Variants in TGFBR2 observed in about 807,000 individuals in gnomAD.
TGFBR2 encodes the protein transforming growth factor beta receptor 2, also known as TGF-beta receptor type-2.
Under a neutral mutation model 49.0 loss-of-function variants are expected in TGFBR2, and 18 were observed. The ratio of observed to expected loss-of-function variants is 0.37; its 90% CI spans 0.25 to 0.54. TGFBR2 has a LOEUF of 0.54. Among genes scored for constraint, TGFBR2 ranks in the 20% least tolerant of loss-of-function variants. TGFBR2 has a pLI of 0.85. For missense variants in TGFBR2, 525 were observed against 722.6 expected (o/e 0.73, Z 3.13); for synonymous variants, 282 against 275.9 (o/e 1.02, Z -0.22).
At chr3:30,607,005 G>T in intron 1 of TGFBR2, 28 bp downstream of exon 1, 1 of 1,546,072 alleles carries the variant, frequency 6.5e-7, no homozygotes, top group Admixed American at 1.9e-5. Flanking sequence ...CGGGCTCGGC[G>T]GGGCGCCGGG....
chr3:30,654,559 T>G (rs1397075993), intron 3 of TGFBR2, among the ~76,000 whole-genome samples: 1 of 152,148 alleles, frequency 6.6e-6, no homozygotes, highest in Non-Finnish European at 1.5e-5. Context: ...GCCAGAACAT[T>G]TTGTGTAGAA....
At chr3:30,675,814 T>C (rs1038772363) in intron 5 of TGFBR2, among the ~76,000 whole-genome samples, 1 of 152,246 alleles carries the variant, frequency 6.6e-6, no homozygotes, top group South Asian at 2.1e-4. Flanking sequence ...AACCATAGTA[T>C]GGCTATCAAA....
chr3:30,666,929 C>T (rs985549061), intron 3 of TGFBR2, among the ~76,000 whole-genome samples: 1 of 152,046 alleles, frequency 6.6e-6, no homozygotes, highest in Non-Finnish European at 1.5e-5. Context: ...AGCCACCACA[C>T]CCAGCCTAAG....
Position 30,691,704 on chromosome 3 carries a change from G to A in TGFBR2, c.*105G>A, listed in dbSNP as rs149112005. On this transcript the variant is annotated 3_prime_UTR_variant, in exon 7 of 7. Transcript: ENST00000295754. ...GAACTGATGCTTCCTGGAAAACCAA[G>A]GGGGTCACTCCCCTCCCTGTAAGCT... The A allele has an allele frequency of 1.2e-3, 1,608 of 1,330,436 alleles. 5 individuals carry two copies. In the Middle Eastern group the frequency reaches 0.013, roughly 11 times the overall value. The allele number at this position is 1,330,436 out of a possible 1,614,324, so 82.4% of individuals were successfully genotyped here.
At chr3:30,623,300 A>G (rs201718221) in intron 1 of TGFBR2, 1 of 1,613,228 alleles carries the variant, frequency 6.2e-7, no homozygotes, top group Non-Finnish European at 8.5e-7. Flanking sequence ...TAATCTTTTC[A>G]TCATTTTTCT....
At chr3:30,689,928 A>G (rs1159649857) in intron 6 of TGFBR2, among the ~76,000 whole-genome samples, 1 of 152,234 alleles carries the variant, frequency 6.6e-6, no homozygotes, top group African/African-American at 2.4e-5. Context: ...ACAGTGCCAG[A>G]ATAAAATAAA....
In TGFBR2 at chr3:30,631,487, A is replaced by G. The variant is rs117101841; in HGVS notation, c.95-13260A>G. On this transcript the variant is annotated intron_variant, in intron 1 of 6. Transcript: ENST00000295754. ...CAGGAAAGGCGAAGATCAACCTTAC[A>G]CTTTTTCATCTAACTGCACTGTGAG... Among the ~76,000 whole-genome samples the G allele has an allele frequency of 4.6e-5, 7 of 152,232 alleles. No homozygotes were observed. In the East Asian group the frequency reaches 1.4e-3, roughly 29 times the overall value.
At chr3:30,691,382 C>A (rs1047733787) in intron 6 of TGFBR2, 38 bp from the exon 7 acceptor site, 2 of 1,612,236 alleles carry the variant, frequency 1.2e-6, no homozygotes, top group African/African-American at 2.7e-5. Context: ...CGGAGCCCAC[C>A]AACTCATGGT....
rs189603129 is a variant in TGFBR2 at position 30,655,001 on chromosome 3, G to T, written c.454+4541G>T. Among the ~76,000 whole-genome samples, 3 of 152,322 alleles carry T rather than the reference G, an allele frequency of 2.0e-5. No homozygotes were observed. In the East Asian group the frequency reaches 5.8e-4, roughly 29 times the overall value. ...AATGAGCTAGATCTCCTGGATTTAA[G>T]GCTTATTCTACAGCTTATTAGCTCT... is the stretch of plus-strand genomic sequence containing the variant. On this transcript the variant is annotated intron_variant, in intron 3 of 6. Transcript: ENST00000295754.
rs1262192366 is a variant in TGFBR2 at position 30,607,837 on chromosome 3, A to AT, written c.94+860_94+861insT. The stretch of plus-strand genomic sequence containing the variant: ...ATTATATATATATAAATATATATAT[A>AT]ATTATATATATAAATATATATAATA... On this transcript the variant is annotated intron_variant, in intron 1 of 6. Coordinates refer to ENST00000295754, the MANE Select transcript of TGFBR2 (RefSeq NM_003242.6). 1.4e-4 allele frequency among the ~76,000 whole-genome samples: 18 copies of AT among 124,774 alleles called. 1 individual carries two copies. In the South Asian group the frequency reaches 4.2e-3, roughly 29 times the overall value. The allele number at this position is 124,774 out of a possible 152,430, so 81.9% of individuals were successfully genotyped here. A position where few individuals can be genotyped will look rare whatever the true frequency, so the allele number is the denominator to read the frequency against.
chr3:30,615,536 G>A lies in TGFBR2; in HGVS notation c.94+8559G>A, dbSNP rs562265120. Among the ~76,000 whole-genome samples the A allele has an allele frequency of 2.1e-4, 32 of 152,098 alleles. 1 individual carries two copies. Among genetic ancestry groups the A allele is most frequent in the East Asian group, 1.9e-4 (1 of 5,182 alleles). Reference sequence around the variant, plus strand: ...CAAATTCTGATCTACATTTCTAAAGGGAAGACTGAATTATTTTTCTATTCT... The same window carrying A: ...CAAATTCTGATCTACATTTCTAAAGAGAAGACTGAATTATTTTTCTATTCT... On this transcript the variant is annotated intron_variant, in intron 1 of 6. Transcript: ENST00000295754.
intron 1 of TGFBR2, among the ~76,000 whole-genome samples, chr3:30,639,748 T>C (rs1280586805): frequency 1.3e-5 from 2 of 151,866 alleles, no homozygotes; most frequent in Non-Finnish European, 2.9e-5. Flanking sequence ...TTTCTGAGTT[T>C]CCCCCCACAA....
At chr3:30,658,125 T>C (rs1575150684) in intron 3 of TGFBR2, among the ~76,000 whole-genome samples, 1 of 152,254 alleles carries the variant, frequency 6.6e-6, no homozygotes, top group African/African-American at 2.4e-5. Context: ...GACGTGGCTG[T>C]GTTCCAGTAC....
Position 30,606,725 on chromosome 3 carries a change from C to A in TGFBR2, c.-159C>A. ...CGCCTCGCCGGCCTCCAGGCCCCCTCCTGGCTGGCGAGCGGGCGCCACATC... is the reference window on the plus strand; with the variant it reads ...CGCCTCGCCGGCCTCCAGGCCCCCTACTGGCTGGCGAGCGGGCGCCACATC... On this transcript the variant is annotated 5_prime_UTR_variant, in exon 1 of 7. Transcript: ENST00000295754. The A allele has an allele frequency of 2.1e-6, 1 of 468,384 alleles. No homozygotes were observed. The highest frequency in any genetic ancestry group is 3.6e-5 in the East Asian group (1 of 27,984). 29.0% of individuals were successfully genotyped at this position (468,384 alleles called of 1,614,324 possible).
chr3:30,677,234 GGA>G (rs1699456090), intron 5 of TGFBR2, among the ~76,000 whole-genome samples: 1 of 152,116 alleles, frequency 6.6e-6, no homozygotes, highest in African/African-American at 2.4e-5. Context: ...TAATGAGGAA[GGA>G]GTTCACCAAA....
chr3:30,638,463 A>G (rs1457120962), intron 1 of TGFBR2, among the ~76,000 whole-genome samples: 1 of 152,186 alleles, frequency 6.6e-6, no homozygotes, highest in Non-Finnish European at 1.5e-5. Flanking sequence ...TATCTCTAGT[A>G]TTGACCTTGG....
At chr3:30,683,069 C>G (rs1276417686) in intron 5 of TGFBR2, among the ~76,000 whole-genome samples, 6 of 152,292 alleles carry the variant, frequency 3.9e-5, no homozygotes, top group Admixed American at 1.3e-4. Context: ...TTCCTGGAAT[C>G]CAGTGTACTA....
rs562307167 is a variant in TGFBR2, at chr3:30,661,465, C to T, written c.455-10173C>T. 20 of 425,848 alleles carry T rather than the reference C, an allele frequency of 4.7e-5. 1 individual carries two copies. The highest frequency in any genetic ancestry group is 3.3e-4 in the South Asian group (19 of 58,078). 26.4% of individuals were successfully genotyped at this position (425,848 alleles called of 1,614,324 possible). A position where few individuals can be genotyped will look rare whatever the true frequency, so the allele number is the denominator to read the frequency against. ...GTGAAAAGCACAGTGGAAGGGATGC[C>T]TAAAAGAGCAAAGGCTGAATCAGGG... On this transcript the variant is annotated intron_variant, in intron 3 of 6. Transcript: ENST00000295754.
In TGFBR2 at chr3:30,649,609, G is replaced by GT. The variant is rs890018981; in HGVS notation, c.264-653dup. On this transcript the variant is annotated intron_variant, in intron 2 of 6. Transcript: ENST00000295754. The stretch of plus-strand genomic sequence containing the variant: ...CCCTTTCCATTTCTTTTATTTATTT[G>GT]TTTTTTTTGTTTGTTTGTTTTTTCT... Among the ~76,000 whole-genome samples, 482 of 151,948 alleles carry GT rather than the reference G, an allele frequency of 3.2e-3. 3 individuals carry two copies. The highest frequency in any genetic ancestry group is 0.011 in the African/African-American group (444 of 41,418).
Sources: gnomAD v4.1 joint callset for allele counts (sites outside exome capture counted in the v4.1 genomes callset) on GRCh38, gnomAD v4.1.1 for gene constraint, MANE v1.5 for transcripts, NCBI Gene and HGNC (gene_info 2026-07-23, HGNC 2026-07-21) for gene names.